The following TULP4 variants were observed in gnomAD, a reference collection of about 807,000 sequenced individuals.
TULP4 encodes the protein TUB like protein 4, also known as tubby-related protein 4.
In TULP4, 16 loss-of-function variants were observed where a neutral mutation model predicts 129.0. The observed-to-expected ratio is 0.12, with a 90% CI of 0.08 to 0.19. The LOEUF (loss-of-function observed/expected upper bound fraction) is 0.19, where lower values mean the gene tolerates loss of function less well. TULP4 is among the 10% of genes least tolerant of loss of function. TULP4 has a pLI of 1.00. For missense variants in TULP4, 1,842 were observed against 2,059.1 expected (o/e 0.89, Z 2.04); for synonymous variants, 998 against 854.0 (o/e 1.17, Z -2.94).
chr6:158,464,326 TACACATGTCAC>T (rs1158718357), intron 6 of TULP4, among the ~76,000 whole-genome samples: 7 of 152,194 alleles, frequency 4.6e-5, no homozygotes, highest in Non-Finnish European at 1.0e-4. Context: ...AACCAGGCCA[TACACATGTCAC>T]AGGTGGATTC....
intron 1 of TULP4, among the ~76,000 whole-genome samples, chr6:158,293,720 C>T (rs959880340): frequency 2.0e-5 from 3 of 152,330 alleles, no homozygotes; most frequent in Admixed American, 6.5e-5. Flanking sequence ...GTTGTAGAAA[C>T]ACATCTTTTG....
At chr6:158,232,995 G>A (rs565901782) in intron 1 of TULP4, among the ~76,000 whole-genome samples, 2 of 152,356 alleles carry the variant, frequency 1.3e-5, no homozygotes, top group South Asian at 4.1e-4. Context: ...TTTGCCATGC[G>A]CTCCACAACG....
chr6:158,262,720 C>G (rs1311639208), intron 1 of TULP4, among the ~76,000 whole-genome samples: 1 of 152,132 alleles, frequency 6.6e-6, no homozygotes, highest in Non-Finnish European at 1.5e-5. Context: ...TGTGCAGATT[C>G]AGAAGTGGCA....
At chr6:158,499,387 AAC>A (rs1185293505) in intron 12 of TULP4, among the ~76,000 whole-genome samples, 6 of 152,200 alleles carry the variant, frequency 3.9e-5, no homozygotes, top group African/African-American at 1.4e-4. Context: ...AAATCTGGTA[AAC>A]AGTTTTTAAA....
At position 158,481,230 on chromosome 6, in the gene TULP4, G is replaced by A. The variant is rs1157115722; in HGVS notation, c.1427G>A (p.Arg476His). Reference sequence around the variant, plus strand: ...CTTGTGCCCATCCTCAAAGGGCGGCGCATCAGCAAGCTGCGGCCAGAGTTC... The same window carrying A: ...CTTGTGCCCATCCTCAAAGGGCGGCACATCAGCAAGCTGCGGCCAGAGTTC... ...GGLVPILKGR[R>H]ISKLRPEFVI... The change falls in exon 8 of 14, where the codon CGC becomes CAC. Residue 476 changes from arginine (R) to histidine (H), a missense_variant. Coordinates refer to ENST00000367097, the MANE Select transcript of TULP4 (RefSeq NM_020245.5). 2 of 1,614,112 alleles carry A rather than the reference G, an allele frequency of 1.2e-6. No homozygotes were observed. Among genetic ancestry groups the A allele is most frequent in the East Asian group, 2.2e-5 (1 of 44,900 alleles).
chr6:158,309,715 C>T (rs1356304966), upstream of TULP4, among the ~76,000 whole-genome samples: 1 of 152,098 alleles, frequency 6.6e-6, no homozygotes. Flanking sequence ...ACAGCGAAAC[C>T]CCGTCTCCAC....
chr6:158,500,086 G>A (rs1221719308), intron 12 of TULP4, among the ~76,000 whole-genome samples: 4 of 152,106 alleles, frequency 2.6e-5, no homozygotes, highest in South Asian at 2.1e-4. Context: ...TCCCCTTAAC[G>A]CTTTCCCTGT....
At position 158,240,248 on chromosome 6, in the gene TULP4, C is replaced by T. The variant is rs1369859008; in HGVS notation, n.68+7945C>T. On this transcript the variant is annotated intron_variant and non_coding_transcript_variant, in intron 1 of 1. Coordinates refer to the TULP4 transcript ENST00000620026. The stretch of plus-strand genomic sequence containing the variant: ...CCCCCCACCTCCCTCCCGGACGGGG[C>T]GGCTGGCCGGGCAGAGGGGCTCCTC... Among the ~76,000 whole-genome samples the T allele has an allele frequency of 6.4e-3, 463 of 72,236 alleles. 1 individual carries two copies. The highest frequency in any genetic ancestry group is 9.0e-3 in the Non-Finnish European group (304 of 33,878). 47.4% of individuals were successfully genotyped at this position (72,236 alleles called of 152,430 possible).
chr6:158,470,698 A>AG lies in TULP4; in HGVS notation c.1026+8969_1026+8970insG, dbSNP rs1161671322. Among the ~76,000 whole-genome samples the AG allele has an allele frequency of 3.3e-5, 5 of 152,338 alleles. No homozygotes were observed. In the East Asian group the frequency reaches 9.6e-4, roughly 29 times the overall value. The stretch of plus-strand genomic sequence containing the variant: ...CAACAGTTGAAAGTAGACATGAAAC[A>AG]TTGGATTTGGAGGTTTTAAGGTCAA... On this transcript the variant is annotated intron_variant, in intron 6 of 13. Coordinates refer to ENST00000367097, the MANE Select transcript of TULP4 (RefSeq NM_020245.5).
At chr6:158,414,456 A>G (rs868490070) in intron 2 of TULP4, among the ~76,000 whole-genome samples, 3 of 93,304 alleles carry the variant, frequency 3.2e-5, no homozygotes, top group African/African-American at 8.3e-5. Flanking sequence ...TGTATATGAA[A>G]AGTGCCCATG....
intron 1 of TULP4, among the ~76,000 whole-genome samples, chr6:158,246,020 A>AGGGGGGGG (rs35127073): frequency 9.7e-6 from 1 of 102,918 alleles, no homozygotes; most frequent in Admixed American, 1.1e-4. Context: ...CCTACCCCTT[A>AGGGGGGGG]GGGGTGTGTG....
At chr6:158,384,139 A>G (rs1455358258) in intron 1 of TULP4, among the ~76,000 whole-genome samples, 2 of 152,206 alleles carry the variant, frequency 1.3e-5, no homozygotes, top group African/African-American at 4.8e-5. Context: ...TCTTTGCAAT[A>G]TAGCATCTCG....
intron 1 of TULP4, among the ~76,000 whole-genome samples, chr6:158,268,673 A>G (rs1778494892): frequency 6.6e-6 from 1 of 152,208 alleles, no homozygotes; most frequent in Admixed American, 6.5e-5. Context: ...GGATCATAGC[A>G]ATTACATTTT....
At chr6:158,477,737 G>A (rs938960494) in intron 6 of TULP4, among the ~76,000 whole-genome samples, 4 of 152,146 alleles carry the variant, frequency 2.6e-5, no homozygotes, top group Non-Finnish European at 4.4e-5. Context: ...ACTAACGTTC[G>A]ACCCAGCAAT....
intron 1 of TULP4, among the ~76,000 whole-genome samples, chr6:158,268,382 A>T (rs1217028451): frequency 6.6e-6 from 1 of 152,132 alleles, no homozygotes; most frequent in Non-Finnish European, 1.5e-5. Context: ...GGGATAAGGT[A>T]AACAGATGGC....
chr6:158,352,746 A>G (rs1780554324), intron 1 of TULP4, among the ~76,000 whole-genome samples: 1 of 152,098 alleles, frequency 6.6e-6, no homozygotes, highest in Non-Finnish European at 1.5e-5. Context: ...TTAATGTTGG[A>G]TTTGGCGTGT....
At chr6:158,365,910 T>C (rs1780941631) in intron 1 of TULP4, among the ~76,000 whole-genome samples, 1 of 127,300 alleles carries the variant, frequency 7.9e-6, no homozygotes, top group East Asian at 2.3e-4. Context: ...TTTTTTTTTT[T>C]TTTTTTTTTT....
chr6:158,390,035 C>A (rs1777548489), intron 1 of TULP4, among the ~76,000 whole-genome samples: 1 of 150,096 alleles, frequency 6.7e-6, no homozygotes, highest in Middle Eastern at 3.4e-3. Context: ...TGCACCACTG[C>A]ACTCCAGCCT....
chr6:158,506,496 GCT>G (rs1780606198), intron 13 of TULP4, 80 bp from the exon 14 acceptor site: 2 of 910,012 alleles, frequency 2.2e-6, no homozygotes, highest in Admixed American at 3.4e-5. Flanking sequence ...CTCCCAAAGT[GCT>G]GGGACTACAG....
Sources: gnomAD v4.1 joint callset for allele counts (sites outside exome capture counted in the v4.1 genomes callset) on GRCh38, gnomAD v4.1.1 for gene constraint, MANE v1.5 for transcripts, NCBI Gene and HGNC (gene_info 2026-07-23, HGNC 2026-07-21) for gene names.